Variants in STK32A observed in about 807,000 individuals in gnomAD.
STK32A encodes the protein serine/threonine kinase 32A.
Under a neutral mutation model 53.2 loss-of-function variants are expected in STK32A, and 41 were observed. That is an observed-to-expected ratio of 0.77 (90% CI 0.60 to 1.00). The LOEUF is 1.00. Among genes scored for constraint, STK32A ranks in the 50% least tolerant of loss-of-function variants. The pLI is 0.00. For synonymous variants in STK32A, 166 were observed against 162.8 expected, an observed-to-expected ratio of 1.02 and a Z score of -0.15; for missense variants, 458 against 485.8, an observed-to-expected ratio of 0.94 and a Z score of 0.54.
At chr5:147,397,825 A>G in the STK32A span, 1 of 1,612,432 alleles carries the variant, frequency 6.2e-7, no homozygotes, top group Non-Finnish European at 8.5e-7. Flanking sequence ...CCATCCCTTC[A>G]AAGATGTTGT....
intron 2 of STK32A, among the ~76,000 whole-genome samples, chr5:147,249,908 CAA>C (rs35848112): frequency 5.1e-5 from 3 of 58,576 alleles, no homozygotes; most frequent in African/African-American, 6.7e-5. Context: ...GCCTCTGTCT[CAA>C]AAAAAAAAAA....
chr5:147,276,085 G>A (rs1371595664), intron 2 of STK32A, among the ~76,000 whole-genome samples: 5 of 152,090 alleles, frequency 3.3e-5, no homozygotes, highest in Admixed American at 3.3e-4. Flanking sequence ...ATAAATCCTG[G>A]TCAGCTTTTT....
intron 4 of STK32A, among the ~76,000 whole-genome samples, chr5:147,293,876 A>G (rs1752728385): frequency 6.6e-6 from 1 of 150,776 alleles, no homozygotes; most frequent in South Asian, 2.2e-4. Context: ...TCTTATTAAT[A>G]CTATATAAAA....
Position 147,373,399 on chromosome 5 carries a change from G to C in STK32A, c.903+105G>C, listed in dbSNP as rs138447450. 13 of 1,460,232 alleles carry C rather than the reference G, an allele frequency of 8.9e-6. No homozygotes were observed. In the East Asian group the frequency reaches 3.2e-4, roughly 36 times the overall value. The allele number at this position is 1,460,232 out of a possible 1,614,324, so 90.5% of individuals were successfully genotyped here. On this transcript the variant is annotated intron_variant, in intron 10 of 12. Transcript: ENST00000397936. ...TAGATAATCACACCAGTGTTGTTAA[G>C]AGAGCCCCAATTCCCATTTTACAGA...
rs1363192512 is a variant in STK32A, at chr5:147,342,923, C to T, written c.435-83C>T. The T allele has an allele frequency of 4.6e-6, 6 of 1,294,480 alleles. No homozygotes were observed. The African/African-American group carries it at 8.9e-5, about 19-fold the overall frequency. The allele number at this position is 1,294,480 out of a possible 1,614,324, so 80.2% of individuals were successfully genotyped here. On this transcript the variant is annotated intron_variant, in intron 5 of 12. Coordinates refer to ENST00000397936, the MANE Select transcript of STK32A (RefSeq NM_001112724.2). ...AGTACACTGTTTCAACTCCAGTTAG[C>T]TTTCTTAAGCCTTTTTGCCCCTACC...
intron 8 of STK32A, among the ~76,000 whole-genome samples, chr5:147,367,332 G>A (rs558367834): frequency 6.6e-6 from 1 of 152,078 alleles, no homozygotes; most frequent in South Asian, 2.1e-4. Flanking sequence ...CTGCAAAGTG[G>A]TGGGATTACA....
In STK32A at chr5:147,361,480, A is replaced by G. The variant is rs747067019; in HGVS notation, c.563-37A>G. On this transcript the variant is annotated intron_variant, in intron 7 of 12. Transcript: ENST00000397936. ...TGAGAAAATATAATACTAATGTCTC[A>G]GGGAATCAAACTGGTTTAATTTTTC... 4 of 1,346,316 alleles carry G rather than the reference A, an allele frequency of 3.0e-6. No homozygotes were observed. The South Asian group carries it at 4.9e-5, about 16-fold the overall frequency. 83.4% of individuals were successfully genotyped at this position (1,346,316 alleles called of 1,614,324 possible). A position where few individuals can be genotyped will look rare whatever the true frequency, so the allele number is the denominator to read the frequency against.
intron 4 of STK32A, among the ~76,000 whole-genome samples, chr5:147,291,313 A>G (rs943407057): frequency 1.3e-5 from 2 of 152,088 alleles, no homozygotes; most frequent in African/African-American, 4.8e-5. Flanking sequence ...CCTGTCCCAC[A>G]TTTGGGGGAA....
At chr5:147,322,370 C>T (rs2151977530) in intron 4 of STK32A, among the ~76,000 whole-genome samples, 1 of 152,318 alleles carries the variant, frequency 6.6e-6, no homozygotes, top group East Asian at 1.9e-4. Flanking sequence ...CTATCAGGTG[C>T]TATTAATGCT....
intron 4 of STK32A, among the ~76,000 whole-genome samples, chr5:147,295,112 A>G (rs1485260103): frequency 2.0e-5 from 3 of 152,222 alleles, no homozygotes; most frequent in Admixed American, 2.0e-4. Context: ...ACCATTTCAT[A>G]ATTTTTATAA....
chr5:147,339,977 T>A (rs1396781472), intron 5 of STK32A, among the ~76,000 whole-genome samples: 3 of 152,220 alleles, frequency 2.0e-5, no homozygotes, highest in Non-Finnish European at 2.9e-5. Flanking sequence ...TGAAATGAGT[T>A]AAGACTTTGG....
chr5:147,335,816 T>G (rs1369492491), intron 5 of STK32A, among the ~76,000 whole-genome samples: 3 of 152,150 alleles, frequency 2.0e-5, no homozygotes, highest in Non-Finnish European at 2.9e-5. Flanking sequence ...CGCGCGTGCA[T>G]GCGTGCGCGT....
chr5:147,352,249 T>C (rs749574573), intron 7 of STK32A, among the ~76,000 whole-genome samples: 1 of 152,186 alleles, frequency 6.6e-6, no homozygotes, highest in Non-Finnish European at 1.5e-5. Context: ...TAAATAAAGG[T>C]GAGGAAATTC....
downstream of STK32A, chr5:147,390,820 T>C (rs1469010117): frequency 6.6e-6 from 1 of 152,670 alleles, no homozygotes; most frequent in East Asian, 1.9e-4. Context: ...GGTAATTTCA[T>C]AGTTATTTTA....
At chr5:147,292,596 C>G (rs1053169290) in intron 4 of STK32A, among the ~76,000 whole-genome samples, 5 of 152,202 alleles carry the variant, frequency 3.3e-5, no homozygotes, top group Admixed American at 1.3e-4. Context: ...TGGCCAGGTG[C>G]ATTGGCTGAT....
chr5:147,313,446 C>T (rs1464915490), intron 4 of STK32A, among the ~76,000 whole-genome samples: 1 of 152,176 alleles, frequency 6.6e-6, no homozygotes, highest in Non-Finnish European at 1.5e-5. Context: ...GTGTGGTTTG[C>T]TCTCCAGAGT....
At chr5:147,398,888 G>C in the STK32A span, among the ~76,000 whole-genome samples, 1 of 152,184 alleles carries the variant, frequency 6.6e-6, no homozygotes, top group East Asian at 1.9e-4. Context: ...GACTGGAATG[G>C]GCAGAGCCCA....
chr5:147,289,945 T>G (rs1166991630), intron 4 of STK32A, among the ~76,000 whole-genome samples: 1 of 152,204 alleles, frequency 6.6e-6, no homozygotes, highest in African/African-American at 2.4e-5. Context: ...ACAGTTATAT[T>G]TGAATTTCAG....
chr5:147,307,515 G>A (rs186684646), intron 4 of STK32A, among the ~76,000 whole-genome samples: 137 of 151,802 alleles, frequency 9.0e-4, no homozygotes, highest in African/African-American at 3.3e-3. Flanking sequence ...CCAGCTACTT[G>A]GGAAGCTGAG....
Sources: gnomAD v4.1 joint callset for allele counts (sites outside exome capture counted in the v4.1 genomes callset) on GRCh38, gnomAD v4.1.1 for gene constraint, MANE v1.5 for transcripts, NCBI Gene and HGNC (gene_info 2026-07-23, HGNC 2026-07-21) for gene names.